The following FGF14 variants were observed in gnomAD, a reference collection of about 807,000 sequenced individuals.
FGF14 encodes fibroblast growth factor 14.
A neutral mutation model predicts 25.5 loss-of-function variants in FGF14; 5 were observed. The observed-to-expected ratio is 0.20, with a 90% CI of 0.10 to 0.41. The LOEUF (loss-of-function observed/expected upper bound fraction) is 0.41. Ranked by LOEUF, FGF14 falls within the 10% of genes least tolerant of loss-of-function variation. The probability of loss-of-function intolerance (pLI) is 1.00; values close to 1 mark genes in which losing one functional copy is unlikely to be tolerated. For synonymous variants in FGF14, 138 were observed against 118.3 expected (o/e 1.17, Z -1.08); for missense variants, 222 against 320.1 (o/e 0.69, Z 2.34).
chr13:102,217,315 T>A (rs1322134454), intron 1 of FGF14, among the ~76,000 whole-genome samples: 1 of 152,186 alleles, frequency 6.6e-6, no homozygotes, highest in South Asian at 2.1e-4. Flanking sequence ...ATAAACTACA[T>A]GCACACACAG....
At chr13:101,733,198 C>G (rs999345628) in intron 3 of FGF14, among the ~76,000 whole-genome samples, 2 of 151,850 alleles carry the variant, frequency 1.3e-5, no homozygotes, top group Admixed American at 6.6e-5. Context: ...TGTATGTAGT[C>G]AAAAATTTTT....
At chr13:102,344,654 A>C (rs2057049159) in intron 1 of FGF14, among the ~76,000 whole-genome samples, 2 of 152,214 alleles carry the variant, frequency 1.3e-5, no homozygotes, top group African/African-American at 4.8e-5. Flanking sequence ...AAGGATCTGC[A>C]GTAAGGAAGA....
At chr13:101,858,812 C>G (rs1268371492) in intron 3 of FGF14, among the ~76,000 whole-genome samples, 1 of 152,020 alleles carries the variant, frequency 6.6e-6, no homozygotes. Context: ...TAACAAAGCT[C>G]TTTTTCTAAT....
intron 3 of FGF14, among the ~76,000 whole-genome samples, chr13:101,727,696 T>G: frequency 6.6e-6 from 1 of 152,102 alleles, no homozygotes; most frequent in East Asian, 1.9e-4. Context: ...AATAAAAAAT[T>G]AATAAGGGTA....
chr13:101,936,379 C>T (rs114256619), intron 1 of FGF14, among the ~76,000 whole-genome samples: 1,698 of 152,284 alleles, frequency 0.011, 37 homozygotes, highest in African/African-American at 0.039. Context: ...AAAGTCCATA[C>T]CTTAGGCCAC....
intron 1 of FGF14, among the ~76,000 whole-genome samples, chr13:101,951,066 T>A (rs1026664367): frequency 1.3e-5 from 2 of 152,006 alleles, no homozygotes; most frequent in African/African-American, 4.8e-5. Flanking sequence ...AGAAAATAGC[T>A]AGAGCTACAG....
At chr13:101,735,685 AG>A (rs1451683361) in intron 3 of FGF14, among the ~76,000 whole-genome samples, 1 of 151,346 alleles carries the variant, frequency 6.6e-6, no homozygotes, top group African/African-American at 2.4e-5. Flanking sequence ...AAAAAAAAAA[AG>A]CTCATTGTTG....
chr13:102,161,930 T>C lies in FGF14; in HGVS notation c.208+239541A>G, dbSNP rs200981613. 4.6e-5 allele frequency among the ~76,000 whole-genome samples: 7 copies of C among 152,242 alleles called. No homozygotes were observed. In the East Asian group the frequency reaches 7.7e-4, roughly 17 times the overall value. On this transcript the variant is annotated intron_variant, in intron 1 of 4. Coordinates refer to the FGF14 transcript ENST00000376131. ...AGGAAAATTATAACTGTTTTCTTTT[T>C]TTTATCCTAAAGGTAAGCAGTAGGG...
At chr13:101,760,107 T>C (rs1333996349) in intron 3 of FGF14, among the ~76,000 whole-genome samples, 1 of 152,188 alleles carries the variant, frequency 6.6e-6, no homozygotes, top group Non-Finnish European at 1.5e-5. Context: ...AATCCACTTT[T>C]TCATACAACA....
chr13:101,815,011 T>C (rs1015649777), intron 3 of FGF14, among the ~76,000 whole-genome samples: 15 of 152,216 alleles, frequency 9.9e-5, no homozygotes, highest in African/African-American at 3.4e-4. Flanking sequence ...TCTGGCAACA[T>C]GTGTACCAAC....
chr13:102,295,984 A>T (rs897864227), intron 1 of FGF14, among the ~76,000 whole-genome samples: 1 of 152,160 alleles, frequency 6.6e-6, no homozygotes, highest in Non-Finnish European at 1.5e-5. Flanking sequence ...AAACAGAAGA[A>T]TTGACCTCAG....
intron 1 of FGF14, among the ~76,000 whole-genome samples, chr13:102,334,154 C>G (rs1294410851): frequency 1.3e-5 from 2 of 152,148 alleles, no homozygotes; most frequent in Non-Finnish European, 2.9e-5. Flanking sequence ...AGTAGCCCAC[C>G]CATTTATCTC....
At chr13:101,995,918 TGAA>T (rs781729843) in intron 1 of FGF14, among the ~76,000 whole-genome samples, 1 of 152,006 alleles carries the variant, frequency 6.6e-6, no homozygotes, top group Non-Finnish European at 1.5e-5. Context: ...ATAGGAAAAA[TGAA>T]GAAGACCTAC....
At chr13:102,097,930 G>A (rs1169759840) in intron 1 of FGF14, among the ~76,000 whole-genome samples, 1 of 152,180 alleles carries the variant, frequency 6.6e-6, no homozygotes, top group African/African-American at 2.4e-5. Context: ...GTCACCATCA[G>A]CAGTCAACCC....
chr13:102,080,677 T>C (rs901007915), intron 1 of FGF14, among the ~76,000 whole-genome samples: 8 of 152,234 alleles, frequency 5.3e-5, no homozygotes, highest in Non-Finnish European at 1.0e-4. Flanking sequence ...TGTTGGTGTT[T>C]TGTCTACACA....
chr13:102,224,697 A>G (rs1008663487), intron 1 of FGF14, among the ~76,000 whole-genome samples: 2 of 152,218 alleles, frequency 1.3e-5, no homozygotes, highest in African/African-American at 4.8e-5. Flanking sequence ...CATGTCTCTG[A>G]GCCTAAAGAA....
chr13:101,910,761 G>C (rs2032833617), intron 1 of FGF14, among the ~76,000 whole-genome samples: 1 of 150,482 alleles, frequency 6.6e-6, no homozygotes, highest in Non-Finnish European at 1.5e-5. Context: ...GAAATTAGTT[G>C]TTTTCTAATG....
chr13:101,909,735 T>G (rs1332820603), intron 1 of FGF14, among the ~76,000 whole-genome samples: 1 of 152,170 alleles, frequency 6.6e-6, no homozygotes, highest in Non-Finnish European at 1.5e-5. Flanking sequence ...AGCCATCCCA[T>G]TACTGGGTAT....
At chr13:102,332,230 C>T (rs1263418419) in intron 1 of FGF14, among the ~76,000 whole-genome samples, 1 of 151,480 alleles carries the variant, frequency 6.6e-6, no homozygotes, top group African/African-American at 2.4e-5. Context: ...GACAGTGGAT[C>T]CTAAAGATCA....
Sources: allele counts gnomAD v4.1 joint callset (sites outside exome capture counted in the v4.1 genomes callset), GRCh38; gene constraint gnomAD v4.1.1; transcripts MANE v1.5; gene names NCBI Gene and HGNC (gene_info 2026-07-23, HGNC 2026-07-21).